The following SORCS2 variants were observed in gnomAD, a reference collection of about 807,000 sequenced individuals.
SORCS2 encodes the protein VPS10 domain-containing receptor SorCS2.
Under a neutral mutation model 141.6 loss-of-function variants are expected in SORCS2, and 100 were observed. The ratio of observed to expected loss-of-function variants is 0.71; its 90% CI spans 0.60 to 0.83. The LOEUF (loss-of-function observed/expected upper bound fraction) is 0.83, where lower values mean the gene tolerates loss of function less well. SORCS2 is among the 40% of genes least tolerant of loss of function. The pLI is 0.00. For missense variants in SORCS2, 1,646 were observed against 1,560.2 expected (o/e 1.05, Z -0.93); for synonymous variants, 789 against 676.9 (o/e 1.17, Z -2.57).
rs565771966 is a variant in SORCS2 at position 7,648,670 on chromosome 4, G to A, written c.814-5464G>A. Among the ~76,000 whole-genome samples the A allele has an allele frequency of 2.2e-4, 33 of 152,260 alleles. No individual in the cohort carries two copies. In the East Asian group the frequency reaches 5.4e-3, roughly 25 times the overall value. On this transcript the variant is annotated intron_variant, in intron 4 of 26. Coordinates refer to ENST00000507866, the MANE Select transcript of SORCS2 (RefSeq NM_020777.3). This position sits in a 1 kb window ranked among gnomAD's most constrained non-coding sequence, Gnocchi z 4.2. ...GCGGGGAGTGAGGGGGCTGCCAAGC[G>A]GCTTGGCCTCTGCATGGTTGGAGAG...
intron 1 of SORCS2, among the ~76,000 whole-genome samples, chr4:7,264,137 G>A (rs1038806029): frequency 1.3e-5 from 2 of 152,220 alleles, no homozygotes; most frequent in African/African-American, 4.8e-5. Context: ...AAGCAGTGGA[G>A]ACTGCGGGAC....
At chr4:7,391,783 G>C (rs967539274) in intron 1 of SORCS2, among the ~76,000 whole-genome samples, 5 of 152,182 alleles carry the variant, frequency 3.3e-5, no homozygotes, top group Non-Finnish European at 7.3e-5. Flanking sequence ...ATGGCATCCT[G>C]AGTTCCTGTG....
intron 1 of SORCS2, among the ~76,000 whole-genome samples, chr4:7,288,889 A>G (rs1716419148): frequency 6.6e-6 from 1 of 151,834 alleles, no homozygotes; most frequent in Non-Finnish European, 1.5e-5. Flanking sequence ...CACCTCCTCC[A>G]GGAAGCCTTC....
chr4:7,301,081 C>T (rs892369870), intron 1 of SORCS2, among the ~76,000 whole-genome samples: 17 of 152,146 alleles, frequency 1.1e-4, no homozygotes, highest in African/African-American at 4.1e-4. Flanking sequence ...CCATCTTCTC[C>T]TTGTTTCCTC....
chr4:7,486,944 T>C lies in SORCS2; in HGVS notation c.549-44586T>C, dbSNP rs537245018. 3.3e-5 allele frequency among the ~76,000 whole-genome samples: 5 copies of C among 152,364 alleles called. No individual in the cohort carries two copies. In the East Asian group the frequency reaches 5.8e-4, roughly 18 times the overall value. ...ATAAGGTCACATTCAGAAACTCTGATTGGGATGTGGACAGGTCTTTTGGGT... is the reference window on the plus strand; with the variant it reads ...ATAAGGTCACATTCAGAAACTCTGACTGGGATGTGGACAGGTCTTTTGGGT... On this transcript the variant is annotated intron_variant, in intron 2 of 26. Transcript: ENST00000507866.
intron 2 of SORCS2, among the ~76,000 whole-genome samples, chr4:7,525,643 T>C (rs1428783432): frequency 1.3e-5 from 2 of 152,000 alleles, no homozygotes; most frequent in Non-Finnish European, 2.9e-5. Context: ...CTATTCTTCC[T>C]CTCACTCCTC....
chr4:7,388,746 C>T (rs1039084137), intron 1 of SORCS2, among the ~76,000 whole-genome samples: 1 of 152,178 alleles, frequency 6.6e-6, no homozygotes. Context: ...AGAGTGGGCA[C>T]GGGAGATCTC....
At chr4:7,697,680 C>T (rs1293967576) in intron 12 of SORCS2, among the ~76,000 whole-genome samples, 1 of 152,100 alleles carries the variant, frequency 6.6e-6, no homozygotes, top group Non-Finnish European at 1.5e-5. Flanking sequence ...CTTTTGGGAG[C>T]CCAGAGAGAG....
intron 3 of SORCS2, among the ~76,000 whole-genome samples, chr4:7,562,466 C>T (rs185248280): frequency 6.6e-6 from 1 of 152,282 alleles, no homozygotes; most frequent in East Asian, 1.9e-4. Flanking sequence ...TTGGATTCTA[C>T]TCAAGAACAG....
intron 1 of SORCS2, among the ~76,000 whole-genome samples, chr4:7,323,226 C>G (rs1719017705): frequency 6.6e-6 from 1 of 152,110 alleles, no homozygotes; most frequent in African/African-American, 2.4e-5. Context: ...ATAATGATAG[C>G]AAAAGAACAA....
At chr4:7,399,870 G>A (rs1030752695) in intron 2 of SORCS2, among the ~76,000 whole-genome samples, 3 of 152,130 alleles carry the variant, frequency 2.0e-5, no homozygotes, top group South Asian at 2.1e-4. Context: ...GGTTTTCCCC[G>A]GGAGAGGATC....
chr4:7,598,436 T>G (rs1485392046), intron 3 of SORCS2, among the ~76,000 whole-genome samples: 2 of 152,170 alleles, frequency 1.3e-5, no homozygotes, highest in Non-Finnish European at 2.9e-5. Context: ...TGTCTTTATC[T>G]AGTCCCTGCA....
intron 1 of SORCS2, among the ~76,000 whole-genome samples, chr4:7,372,588 G>A (rs778173884): frequency 1.5e-4 from 23 of 152,296 alleles, no homozygotes; most frequent in Admixed American, 9.8e-4. Context: ...AATTACAGGC[G>A]TGAGCCACTG....
At chr4:7,601,449 C>T (rs939002644) in intron 3 of SORCS2, among the ~76,000 whole-genome samples, 4 of 151,528 alleles carry the variant, frequency 2.6e-5, no homozygotes, top group Admixed American at 1.3e-4. Flanking sequence ...ATTATACTCT[C>T]TACATTTTAA....
At chr4:7,411,937 C>T (rs1262186546) in intron 2 of SORCS2, among the ~76,000 whole-genome samples, 1 of 152,208 alleles carries the variant, frequency 6.6e-6, no homozygotes, top group Non-Finnish European at 1.5e-5. Flanking sequence ...CTGCTACAGC[C>T]ACGATGCCTC....
chr4:7,265,459 C>T (rs895574845), intron 1 of SORCS2, among the ~76,000 whole-genome samples: 1 of 152,098 alleles, frequency 6.6e-6, no homozygotes, highest in Non-Finnish European at 1.5e-5. Flanking sequence ...CCACTGCACT[C>T]CAGCCTGGTG....
intron 2 of SORCS2, among the ~76,000 whole-genome samples, chr4:7,445,961 GC>G (rs1222304822): frequency 2.6e-5 from 4 of 152,116 alleles, no homozygotes; most frequent in African/African-American, 9.7e-5. Context: ...AGTTCCTCAG[GC>G]CAGAGCCAAA....
In SORCS2 at chr4:7,523,788, G is replaced by A. The variant is rs148549233; in HGVS notation, c.549-7742G>A. Among the ~76,000 whole-genome samples the A allele has an allele frequency of 7.7e-3, 1,172 of 152,196 alleles. 10 individuals are homozygous for A. Among genetic ancestry groups the A allele is most frequent in the Non-Finnish European group, 0.011 (733 of 67,982 alleles). On this transcript the variant is annotated intron_variant, in intron 2 of 26. Coordinates refer to ENST00000507866, the MANE Select transcript of SORCS2 (RefSeq NM_020777.3). The stretch of plus-strand genomic sequence containing the variant: ...CCGGCGCCCCGCAGACACTCAGCCC[G>A]TCACTGGGGGTCACACAGGCCCCTC...
intron 3 of SORCS2, among the ~76,000 whole-genome samples, chr4:7,609,129 T>C (rs982427530): frequency 3.3e-5 from 5 of 152,158 alleles, no homozygotes; most frequent in African/African-American, 1.2e-4. Context: ...GGTCAGACTC[T>C]ACTCACTGGC....
Sources: allele counts gnomAD v4.1 joint callset (sites outside exome capture counted in the v4.1 genomes callset), GRCh38; gene constraint gnomAD v4.1.1; non-coding constraint Gnocchi (gnomAD v3.1); transcripts MANE v1.5; gene names NCBI Gene and HGNC (gene_info 2026-07-23, HGNC 2026-07-21).